The following N4BP1 variants were observed in gnomAD, a reference collection of about 807,000 sequenced individuals.
The protein encoded by N4BP1 is NEDD4 binding protein 1, also known as NEDD4-binding protein 1.
A neutral mutation model predicts 70.9 loss-of-function variants in N4BP1; 21 were observed. That is an observed-to-expected ratio of 0.30 (90% CI 0.21 to 0.43). The LOEUF (loss-of-function observed/expected upper bound fraction) is 0.43. N4BP1 is among the 20% of genes least tolerant of loss of function. The pLI is 1.00. For missense variants in N4BP1, 936 were observed against 1,069.4 expected (o/e 0.88, Z 1.74); for synonymous variants, 387 against 394.6 (o/e 0.98, Z 0.23).
rs149011866 is a variant in N4BP1 at position 48,581,392 on chromosome 16, G to GT, written c.199-18949dup. ...CAAAGAAGCCCGCTCTTTCAATATG[G>GT]TATTCAAAGTTTTAGAGCAATTAGG... On this transcript the variant is annotated intron_variant, in intron 1 of 6. Coordinates refer to ENST00000262384, the MANE Select transcript of N4BP1 (RefSeq NM_153029.4). Among the ~76,000 whole-genome samples, 599 of 152,106 alleles carry GT rather than the reference G, an allele frequency of 3.9e-3. 1 individual carries two copies. The highest frequency in any genetic ancestry group is 6.7e-3 in the Non-Finnish European group (454 of 67,974).
At chr16:48,557,690 C>T (rs184802316) in intron 2 of N4BP1, among the ~76,000 whole-genome samples, 123 of 152,282 alleles carry the variant, frequency 8.1e-4, no homozygotes, top group Non-Finnish European at 1.3e-3. Context: ...TGCCTATAGC[C>T]TCAGCTACTA....
rs764674832 is a variant in N4BP1, at chr16:48,562,169, C to T, written c.474G>A (p.Arg158=). The T allele has an allele frequency of 3.1e-6, 5 of 1,613,914 alleles. No homozygotes were observed. The highest frequency in any genetic ancestry group is 4.2e-6 in the Non-Finnish European group (5 of 1,179,886). Reference sequence around the variant, plus strand: ...GGGCTTCAACAAATTGTTTGAATTCCCTTTTCACCTCTGATTCTTTCTGAC... The same window carrying T: ...GGGCTTCAACAAATTGTTTGAATTCTCTTTTCACCTCTGATTCTTTCTGAC... ...PSSQKESEVK[R]EFKQFVEAHA... Residue 158 remains arginine (R), a synonymous_variant, in exon 2 of 7, where the codon AGG becomes AGA. Coordinates refer to ENST00000262384, the MANE Select transcript of N4BP1 (RefSeq NM_153029.4).
intron 1 of N4BP1, among the ~76,000 whole-genome samples, chr16:48,584,633 G>C (rs573153082): frequency 6.6e-6 from 1 of 151,780 alleles, no homozygotes; most frequent in Non-Finnish European, 1.5e-5. Flanking sequence ...ACCCAGGCTG[G>C]GTGTAGTGAT....
At chr16:48,578,450 A>G (rs9937568) in intron 1 of N4BP1, 54,881 of 152,128 alleles carry the variant, frequency 0.36, 10,138 homozygotes, top group African/African-American at 0.42. Context: ...CCGCCTGGTT[A>G]TCCCACACGT....
intron 2 of N4BP1, among the ~76,000 whole-genome samples, chr16:48,556,605 T>C (rs1188270498): frequency 6.6e-6 from 1 of 152,186 alleles, no homozygotes; most frequent in African/African-American, 2.4e-5. Flanking sequence ...TTCCATATAA[T>C]TGGTTAAAGG....
intron 6 of N4BP1, among the ~76,000 whole-genome samples, chr16:48,543,643 T>C (rs759594010): frequency 3.3e-5 from 5 of 152,156 alleles, no homozygotes; most frequent in Non-Finnish European, 7.3e-5. Flanking sequence ...CCCTGATTAA[T>C]AGAAATTAGA....
At chr16:48,567,179 T>C (rs75220889) in intron 1 of N4BP1, among the ~76,000 whole-genome samples, 9 of 152,374 alleles carry the variant, frequency 5.9e-5, no homozygotes, top group African/African-American at 2.2e-4. Context: ...AATTGGAGTG[T>C]TGATTTACAT....
chr16:48,573,253 C>T (rs1250025859), intron 1 of N4BP1, among the ~76,000 whole-genome samples: 1 of 152,018 alleles, frequency 6.6e-6, no homozygotes, highest in Non-Finnish European at 1.5e-5. Flanking sequence ...TAGTTTTTGT[C>T]TCATTTATCT....
intron 1 of N4BP1, among the ~76,000 whole-genome samples, chr16:48,567,983 A>G (rs1303812213): frequency 6.6e-6 from 1 of 152,158 alleles, no homozygotes; most frequent in East Asian, 1.9e-4. Flanking sequence ...GCCAGGTACC[A>G]GACAACCAGA....
At chr16:48,599,436 G>T (rs1372776552) in intron 1 of N4BP1, among the ~76,000 whole-genome samples, 2 of 152,208 alleles carry the variant, frequency 1.3e-5, no homozygotes, top group Admixed American at 1.3e-4. Flanking sequence ...ATAAGCAGGA[G>T]AAACTGTGTC....
In N4BP1 at chr16:48,543,260, C is replaced by T; in HGVS notation, c.2335G>A (p.Asp779Asn). Residue 779 changes from aspartate (D) to asparagine (N), a missense_variant and splice_region_variant, in exon 7 of 7, where the codon GAT (aspartate) becomes AAT (asparagine). By Grantham distance (23) the Asp-to-Asn change is conservative (BLOSUM62 1). Around this residue, in one of 4 missense-constraint regions of N4BP1, gnomAD observed 229 missense variants for 343.5 expected, o/e 0.67. Coordinates refer to ENST00000262384, the MANE Select transcript of N4BP1 (RefSeq NM_153029.4). Reference protein sequence around the residue: ...EFLQKEVCLRDMQPLLSALPN... With the variant: ...EFLQKEVCLRNMQPLLSALPN... Reference sequence around the variant, plus strand: ...AGGGCACTGAGTAGGGGCTGCATATCTCTGTGAATGGAAGTGAGTCCTGGT... The same window carrying T: ...AGGGCACTGAGTAGGGGCTGCATATTTCTGTGAATGGAAGTGAGTCCTGGT... 4 of 1,512,386 alleles carry T rather than the reference C, an allele frequency of 2.6e-6. No homozygotes were observed. The highest frequency in any genetic ancestry group is 3.5e-6 in the Non-Finnish European group (4 of 1,130,732). The allele number at this position is 1,512,386 out of a possible 1,614,324, so 93.7% of individuals were successfully genotyped here.
At chr16:48,569,240 T>C (rs1254342895) in intron 1 of N4BP1, among the ~76,000 whole-genome samples, 2 of 152,254 alleles carry the variant, frequency 1.3e-5, no homozygotes, top group African/African-American at 2.4e-5. Context: ...AAATTACGTT[T>C]TGAAACCTTC....
At chr16:48,567,397 A>C (rs1330306787) in intron 1 of N4BP1, among the ~76,000 whole-genome samples, 1 of 152,148 alleles carries the variant, frequency 6.6e-6, no homozygotes, top group African/African-American at 2.4e-5. Flanking sequence ...GGCTCACTGC[A>C]ACCTCCATCT....
chr16:48,548,384 T>C (rs1002133118), intron 4 of N4BP1, among the ~76,000 whole-genome samples: 9 of 152,232 alleles, frequency 5.9e-5, no homozygotes, highest in Non-Finnish European at 1.0e-4. Flanking sequence ...AAAAGTTGTA[T>C]TATCAATAAA....
chr16:48,542,710 G>T lies in N4BP1; in HGVS notation c.*194C>A. ...AACAGAAAATGTTAAATCTGTAATA[G>T]CAGCATAATTTATATATAGAAAAAA... On this transcript the variant is annotated 3_prime_UTR_variant, in exon 7 of 7. Coordinates refer to ENST00000262384, the MANE Select transcript of N4BP1 (RefSeq NM_153029.4). 1 of 465,586 alleles carries T rather than the reference G, an allele frequency of 2.1e-6. No individual in the cohort carries two copies. The highest frequency in any genetic ancestry group is 5.6e-4 in the Middle Eastern group (1 of 1,788). The allele number at this position is 465,586 out of a possible 1,614,324, so 28.8% of individuals were successfully genotyped here.
chr16:48,609,685 G>C, intron 1 of N4BP1, 90 bp downstream of exon 1: 1 of 1,128,702 alleles, frequency 8.9e-7, no homozygotes, highest in South Asian at 3.3e-5. Context: ...CAGGCGCATC[G>C]CGGCGGACGG....
At chr16:48,582,569 A>C (rs1474109218) in intron 1 of N4BP1, among the ~76,000 whole-genome samples, 1 of 152,218 alleles carries the variant, frequency 6.6e-6, no homozygotes, top group Admixed American at 6.5e-5. Context: ...AAAGTTCTCC[A>C]CTTAATAAGA....
intron 1 of N4BP1, among the ~76,000 whole-genome samples, chr16:48,582,694 G>GA (rs966769767): frequency 1.3e-5 from 2 of 151,528 alleles, no homozygotes; most frequent in African/African-American, 4.9e-5. Context: ...CTACGTATAG[G>GA]AAAAAAAACG....
At chr16:48,602,995 C>G (rs1264415613) in intron 1 of N4BP1, among the ~76,000 whole-genome samples, 1 of 151,788 alleles carries the variant, frequency 6.6e-6, no homozygotes, top group Non-Finnish European at 1.5e-5. Context: ...CACACACACG[C>G]ACGCACACGC....
Sources: allele counts gnomAD v4.1 joint callset (sites outside exome capture counted in the v4.1 genomes callset), GRCh38; gene constraint gnomAD v4.1.1; regional missense constraint gnomAD v4.1.1; transcripts MANE v1.5; gene names NCBI Gene and HGNC (gene_info 2026-07-23, HGNC 2026-07-21).